The following ZNF676 variants were observed in gnomAD, a reference collection of about 807,000 sequenced individuals.
The protein encoded by ZNF676 is zinc finger protein 676.
In ZNF676, 4 loss-of-function variants were observed where a neutral mutation model predicts 6.0. That is an observed-to-expected ratio of 0.67 (90% CI 0.33 to 1.53). The LOEUF (loss-of-function observed/expected upper bound fraction) is 1.53, where lower values mean the gene tolerates loss of function less well. Among genes scored for constraint, ZNF676 ranks in the 40% most tolerant of loss-of-function variants. The probability of loss-of-function intolerance (pLI) is 0.06; values close to 1 mark genes in which losing one functional copy is unlikely to be tolerated. For synonymous variants in ZNF676, 198 were observed against 223.1 expected (o/e 0.89, Z 1.00); for missense variants, 644 against 679.7 (o/e 0.95, Z 0.58).
chr19:22,258,077 T>C, the ZNF676 span, among the ~76,000 whole-genome samples: 9 of 152,184 alleles, frequency 5.9e-5, no homozygotes, highest in South Asian at 1.9e-3. Context: ...TCAAAATTAT[T>C]CCTGTGAGCA....
chr19:22,256,005 G>T, the ZNF676 span, among the ~76,000 whole-genome samples: 1 of 152,178 alleles, frequency 6.6e-6, no homozygotes, highest in Non-Finnish European at 1.5e-5. Flanking sequence ...ATTTTAACAG[G>T]TGCTTGGTTG....
intron 1 of ZNF676, among the ~76,000 whole-genome samples, chr19:22,194,159 T>C (rs1051496123): frequency 1.3e-5 from 2 of 152,170 alleles, no homozygotes; most frequent in African/African-American, 4.8e-5. Flanking sequence ...CCAAGCATGC[T>C]TGGAGCACAA....
intron 2 of ZNF676, among the ~76,000 whole-genome samples, chr19:22,184,197 C>T (rs1362512782): frequency 1.1e-4 from 16 of 152,258 alleles, no homozygotes; most frequent in Non-Finnish European, 2.9e-5. Flanking sequence ...GTGGATGCAG[C>T]TCATGGAGGG....
At chr19:22,234,109 T>A in the ZNF676 span, among the ~76,000 whole-genome samples, 1 of 152,234 alleles carries the variant, frequency 6.6e-6, no homozygotes, top group Non-Finnish European at 1.5e-5. Flanking sequence ...CCAGGTGCAC[T>A]GCTCAAAATT....
chr19:22,212,481 A>C (rs2024139311), intron 1 of ZNF676, among the ~76,000 whole-genome samples: 1 of 152,074 alleles, frequency 6.6e-6, no homozygotes, highest in Non-Finnish European at 1.5e-5. Flanking sequence ...CAGGCAGATT[A>C]CTTGAGGTCA....
At chr19:22,230,476 A>G in the ZNF676 span, among the ~76,000 whole-genome samples, 9 of 151,344 alleles carry the variant, frequency 5.9e-5, no homozygotes, top group Admixed American at 4.6e-4. Flanking sequence ...CTGCACATGT[A>G]TCTCAGAACT....
intron 1 of ZNF676, among the ~76,000 whole-genome samples, chr19:22,193,764 G>A (rs1179077799): frequency 6.6e-6 from 1 of 152,060 alleles, no homozygotes; most frequent in Non-Finnish European, 1.5e-5. Flanking sequence ...TCCTATTACT[G>A]TGAGGCCTGA....
chr19:22,252,401 AAAAAG>A, the ZNF676 span, among the ~76,000 whole-genome samples: 6 of 151,140 alleles, frequency 4.0e-5, no homozygotes, highest in Admixed American at 3.3e-4. Flanking sequence ...TCTGAAAAAA[AAAAAG>A]AAAAGAAAGT....
chr19:22,252,721 C>T, the ZNF676 span, among the ~76,000 whole-genome samples: 1 of 150,482 alleles, frequency 6.6e-6, no homozygotes, highest in Non-Finnish European at 1.5e-5. Flanking sequence ...CCCATGTGGG[C>T]AAAACACAGG....
chr19:22,201,390 C>T (rs2024024075), upstream of ZNF676, among the ~76,000 whole-genome samples: 1 of 152,146 alleles, frequency 6.6e-6, no homozygotes, highest in African/African-American at 2.4e-5. Context: ...GCAGAAAATG[C>T]CTCCTGTTGG....
At chr19:22,202,085 A>G (rs1404712539) in intron 1 of ZNF676, among the ~76,000 whole-genome samples, 1 of 151,942 alleles carries the variant, frequency 6.6e-6, no homozygotes, top group Non-Finnish European at 1.5e-5. Flanking sequence ...TAGAATTTGG[A>G]GCTGCAAATT....
chr19:22,184,203 G>A (rs948813033), intron 2 of ZNF676, among the ~76,000 whole-genome samples: 1 of 152,132 alleles, frequency 6.6e-6, no homozygotes, highest in Admixed American at 6.5e-5. Context: ...GCAGCTCATG[G>A]AGGGTGAGCC....
chr19:22,249,122 G>T, the ZNF676 span, among the ~76,000 whole-genome samples: 1 of 152,138 alleles, frequency 6.6e-6, no homozygotes, highest in East Asian at 1.9e-4. Context: ...AGGAACAAAC[G>T]TAATGCCTTT....
rs2023852478 is a variant in ZNF676 at position 22,187,363 on chromosome 19, ACAAAG to A, written c.130+5648_130+5652del. Among the ~76,000 whole-genome samples, 3 of 152,288 alleles carry A rather than the reference ACAAAG, an allele frequency of 2.0e-5. No individual in the cohort carries two copies. The South Asian group carries it at 6.2e-4, about 32-fold the overall frequency. ...ACATACCAGAATCTCTGGGACACAG[ACAAAG>A]CAGCAGTGTCTACAAAATTTGTAGC... On this transcript the variant is annotated intron_variant, in intron 2 of 2. Coordinates refer to ENST00000397121, the MANE Select transcript of ZNF676 (RefSeq NM_001001411.3).
intron 1 of ZNF676, among the ~76,000 whole-genome samples, chr19:22,212,653 C>T (rs2024141126): frequency 6.6e-6 from 1 of 150,602 alleles, no homozygotes; most frequent in Admixed American, 6.6e-5. Context: ...TGCAGTGAGC[C>T]GAGATTGCAC....
intron 1 of ZNF676, among the ~76,000 whole-genome samples, chr19:22,193,814 T>A (rs1257173476): frequency 1.3e-5 from 2 of 152,182 alleles, no homozygotes; most frequent in African/African-American, 2.4e-5. Flanking sequence ...AGCACACTCC[T>A]GTACAGTTTA....
chr19:22,245,513 C>G, the ZNF676 span, among the ~76,000 whole-genome samples: 3 of 138,308 alleles, frequency 2.2e-5, no homozygotes, highest in African/African-American at 8.5e-5. Context: ...TGCCCCCCCC[C>G]CCACCCCCAA....
rs2023722000 is a variant in ZNF676, at chr19:22,180,556, A to G, written c.1161T>C (p.His387=). Residue 387 remains histidine, a synonymous_variant, in exon 3 of 3, where the codon CAT becomes CAC. Transcript: ENST00000397121. ...VSTLNTHKAI[H]AEEKPYKCEE... ...CACATTTGTAGGGCTTCTCTTCAGC[A>G]TGAATTGCCTTATGTGTATTAAGGG... The G allele has an allele frequency of 3.7e-6, 6 of 1,612,824 alleles. No homozygotes were observed. The highest frequency in any genetic ancestry group is 5.1e-6 in the Non-Finnish European group (6 of 1,179,748).
At chr19:22,218,329 C>CGT (rs990470376), upstream of ZNF676, among the ~76,000 whole-genome samples, 2 of 150,694 alleles carry the variant, frequency 1.3e-5, no homozygotes, top group African/African-American at 4.9e-5. Context: ...GATGAAGATA[C>CGT]TTTTTTTTTA....
Sources: allele counts gnomAD v4.1 joint callset (sites outside exome capture counted in the v4.1 genomes callset), GRCh38; gene constraint gnomAD v4.1.1; transcripts MANE v1.5; gene names NCBI Gene and HGNC (gene_info 2026-07-23, HGNC 2026-07-21).